Variants in TMEFF2 observed in about 807,000 individuals in gnomAD.
TMEFF2 encodes the protein transmembrane protein with EGF like and two follistatin like domains 2.
In TMEFF2, 28 loss-of-function variants were observed where a neutral mutation model predicts 53.8. That is an observed-to-expected ratio of 0.52 (90% CI 0.39 to 0.71). TMEFF2 has a LOEUF of 0.71. Among genes scored for constraint, TMEFF2 ranks in the 30% least tolerant of loss-of-function variants. The pLI, the probability that TMEFF2 is intolerant of heterozygous loss-of-function variation, is 0.00. For missense variants in TMEFF2, 353 were observed against 455.2 expected, an observed-to-expected ratio of 0.78 and a Z score of 2.04; for synonymous variants, 162 against 166.3, an observed-to-expected ratio of 0.97 and a Z score of 0.20.
intron 4 of TMEFF2, among the ~76,000 whole-genome samples, chr2:192,126,439 G>A (rs1430440915): frequency 2.0e-5 from 3 of 152,144 alleles, no homozygotes; most frequent in Non-Finnish European, 4.4e-5. Flanking sequence ...TAAAATATTT[G>A]TATAAAGATA....
intron 4 of TMEFF2, among the ~76,000 whole-genome samples, chr2:192,076,655 C>T (rs143510886): frequency 6.6e-6 from 1 of 152,270 alleles, no homozygotes; most frequent in African/African-American, 2.4e-5. Flanking sequence ...CCCATTTCTC[C>T]AATTCACTCC....
At chr2:192,187,378 T>C (rs1691340435) in intron 2 of TMEFF2, among the ~76,000 whole-genome samples, 1 of 152,232 alleles carries the variant, frequency 6.6e-6, no homozygotes, top group Admixed American at 6.5e-5. Flanking sequence ...TGATATGTAT[T>C]TTAACTAGTA....
At chr2:192,192,764 T>G (rs568931831) in intron 1 of TMEFF2, among the ~76,000 whole-genome samples, 2 of 152,352 alleles carry the variant, frequency 1.3e-5, no homozygotes, top group East Asian at 3.9e-4. Flanking sequence ...TGTGTTGGAC[T>G]ACAAAGCCAT....
At chr2:192,137,665 T>C (rs1690042237) in intron 4 of TMEFF2, among the ~76,000 whole-genome samples, 1 of 151,874 alleles carries the variant, frequency 6.6e-6, no homozygotes, top group South Asian at 2.1e-4. Context: ...CAAAACAATC[T>C]TGAATGAGTC....
chr2:191,950,034 G>C lies in TMEFF2; in HGVS notation c.*277C>G, dbSNP rs1691822159. On this transcript the variant is annotated 3_prime_UTR_variant, in exon 10 of 10. Coordinates refer to ENST00000272771, the MANE Select transcript of TMEFF2 (RefSeq NM_016192.4). The stretch of plus-strand genomic sequence containing the variant: ...AATGCCAATTTTTTCTCATCACTGA[G>C]TATTTATTATATATAACAAATACAT... The C allele has an allele frequency of 8.7e-7, 1 of 1,147,228 alleles. No individual in the cohort carries two copies. Among genetic ancestry groups the C allele is most frequent in the South Asian group, 2.5e-5 (1 of 40,682 alleles). The allele number at this position is 1,147,228 out of a possible 1,614,324, so 71.1% of individuals were successfully genotyped here. A position where few individuals can be genotyped will look rare whatever the true frequency, so the allele number is the denominator to read the frequency against.
chr2:192,194,642 G>T lies in TMEFF2; in HGVS notation c.-118C>A. On this transcript the variant is annotated 5_prime_UTR_variant, in exon 1 of 10. An upstream open reading frame in the 5' UTR gains an earlier in-frame stop. Coordinates refer to ENST00000272771, the MANE Select transcript of TMEFF2 (RefSeq NM_016192.4). The surrounding 1 kb of genome is among the most constrained non-coding windows in gnomAD (Gnocchi z 4.2). ...GGCGGCAGCAGAGGCGGCGGCGGTGGCAGTGGCACCCGGCGGGGAAGCAGC... is the reference window on the plus strand; with the variant it reads ...GGCGGCAGCAGAGGCGGCGGCGGTGTCAGTGGCACCCGGCGGGGAAGCAGC... 1 of 1,165,198 alleles carries T rather than the reference G, an allele frequency of 8.6e-7. No homozygotes were observed. Among genetic ancestry groups the T allele is most frequent in the African/African-American group, 1.5e-5 (1 of 65,300 alleles). 72.2% of individuals were successfully genotyped at this position (1,165,198 alleles called of 1,614,324 possible).
intron 7 of TMEFF2, among the ~76,000 whole-genome samples, chr2:191,985,148 C>A (rs1354346885): frequency 1.3e-5 from 2 of 151,844 alleles, no homozygotes; most frequent in Non-Finnish European, 2.9e-5. Flanking sequence ...TCTTACAATT[C>A]CATAGTGAGT....
At chr2:192,138,129 T>C (rs915017770) in intron 4 of TMEFF2, among the ~76,000 whole-genome samples, 1 of 152,202 alleles carries the variant, frequency 6.6e-6, no homozygotes, top group Non-Finnish European at 1.5e-5. Flanking sequence ...TCCTGAGTAA[T>C]ATATTTTTGA....
intron 4 of TMEFF2, among the ~76,000 whole-genome samples, chr2:192,087,279 GA>G (rs200916418): frequency 4.6e-5 from 7 of 151,482 alleles, no homozygotes; most frequent in African/African-American, 1.7e-4. Context: ...AACACCTAGT[GA>G]AAAAAAACAG....
At chr2:192,117,401 A>C (rs1160064895) in intron 4 of TMEFF2, among the ~76,000 whole-genome samples, 1 of 152,196 alleles carries the variant, frequency 6.6e-6, no homozygotes, top group African/African-American at 2.4e-5. Context: ...ACTAGGTAGA[A>C]GTAAAAGATT....
At chr2:192,109,525 TG>T (rs1244875556) in intron 4 of TMEFF2, among the ~76,000 whole-genome samples, 2 of 152,122 alleles carry the variant, frequency 1.3e-5, no homozygotes, top group Non-Finnish European at 2.9e-5. Context: ...AAGATGCCTC[TG>T]GATTTAATGA....
chr2:192,180,808 C>T (rs1377053212), intron 3 of TMEFF2, among the ~76,000 whole-genome samples: 1 of 151,782 alleles, frequency 6.6e-6, no homozygotes, highest in East Asian at 1.9e-4. Flanking sequence ...TTCCCAGCAG[C>T]CCTCCTGTTT....
intron 7 of TMEFF2, among the ~76,000 whole-genome samples, chr2:191,974,274 G>A (rs1041754515): frequency 6.6e-6 from 1 of 152,116 alleles, no homozygotes; most frequent in African/African-American, 2.4e-5. Context: ...TTTTTTGTGT[G>A]TGTGTGTGGC....
intron 1 of TMEFF2, among the ~76,000 whole-genome samples, chr2:192,193,761 T>TAGAGAGAGAG (rs530141565): frequency 1.7e-3 from 79 of 47,814 alleles, no homozygotes; most frequent in Non-Finnish European, 2.0e-3. Context: ...GATAGATAGA[T>TAGAGAGAGAG]AGAGAGAGAG....
At chr2:191,977,332 C>G (rs1357045763) in intron 7 of TMEFF2, among the ~76,000 whole-genome samples, 1 of 152,252 alleles carries the variant, frequency 6.6e-6, no homozygotes, top group South Asian at 2.1e-4. Context: ...GCGGCACCCA[C>G]TAACCATCAC....
chr2:192,049,498 G>T (rs932216080), intron 5 of TMEFF2, among the ~76,000 whole-genome samples: 1 of 152,090 alleles, frequency 6.6e-6, no homozygotes, highest in Non-Finnish European at 1.5e-5. Context: ...CTTTGAGACT[G>T]GGATGTTACA....
chr2:192,049,959 C>A (rs1055974660), intron 5 of TMEFF2, among the ~76,000 whole-genome samples: 3 of 152,074 alleles, frequency 2.0e-5, no homozygotes, highest in Non-Finnish European at 2.9e-5. Context: ...TGAGATAGCG[C>A]CACTGCACTC....
At chr2:192,121,789 A>G (rs563055488) in intron 4 of TMEFF2, among the ~76,000 whole-genome samples, 1 of 152,336 alleles carries the variant, frequency 6.6e-6, no homozygotes, top group East Asian at 1.9e-4. Context: ...AGATAAACTC[A>G]TAGCTCAATG....
At chr2:192,191,689 G>A (rs1273734527) in intron 2 of TMEFF2, among the ~76,000 whole-genome samples, 191 bp downstream of exon 2, 2 of 152,028 alleles carry the variant, frequency 1.3e-5, no homozygotes, top group African/African-American at 2.4e-5. Flanking sequence ...TTATAACTTT[G>A]GCATATACAT....
Sources: allele counts gnomAD v4.1 joint callset (sites outside exome capture counted in the v4.1 genomes callset), GRCh38; gene constraint gnomAD v4.1.1; non-coding constraint Gnocchi (gnomAD v3.1); transcripts MANE v1.5; gene names NCBI Gene and HGNC (gene_info 2026-07-23, HGNC 2026-07-21).